NFKB2: variants seen among roughly 807,000 people sequenced by gnomAD.
NFKB2 encodes the protein nuclear factor NF-kappa-B p100 subunit.
A neutral mutation model predicts 109.3 loss-of-function variants in NFKB2; 21 were observed. That is an observed-to-expected ratio of 0.19 (90% CI 0.14 to 0.28). The LOEUF (loss-of-function observed/expected upper bound fraction) is 0.28, where lower values mean the gene tolerates loss of function less well. NFKB2 is among the 10% of genes least tolerant of loss of function. The probability of loss-of-function intolerance (pLI) is 1.00; values close to 1 mark genes in which losing one functional copy is unlikely to be tolerated. For missense variants in NFKB2, 806 were observed against 1,185.3 expected, an observed-to-expected ratio of 0.68 and a Z score of 4.70; for synonymous variants, 478 against 489.9, an observed-to-expected ratio of 0.98 and a Z score of 0.32.
Position 102,402,072 on chromosome 10 carries a change from C to A in NFKB2, c.2491C>A (p.Leu831Ile). Residue 831 changes from leucine to isoleucine, a missense_variant, in exon 22 of 23, where the codon CTA becomes ATA. Transcript: ENST00000661543. ...GCTGGCTGGCGGGGACCTGGCAGGTCTACTGGAGGCCCTGTCTGACATGGG... is the reference window on the plus strand; with the variant it reads ...GCTGGCTGGCGGGGACCTGGCAGGTATACTGGAGGCCCTGTCTGACATGGG... ...YELAGGDLAG[L>I]LEALSDMGLE... The A allele has an allele frequency of 6.4e-7, 1 of 1,571,814 alleles. No homozygotes were observed. Among genetic ancestry groups the A allele is most frequent in the Non-Finnish European group, 8.6e-7 (1 of 1,158,092 alleles).
In NFKB2 at chr10:102,398,198, C is replaced by G. The variant is rs757060747; in HGVS notation, c.767-14C>G. Reference sequence around the variant, plus strand: ...CCACCGGGAGCTGTGGCCAAGCTTCCGTTTTCCTTGTAGATGACATTGAGG... The same window carrying G: ...CCACCGGGAGCTGTGGCCAAGCTTCGGTTTTCCTTGTAGATGACATTGAGG... On this transcript the variant is annotated splice_polypyrimidine_tract_variant and intron_variant, in intron 9 of 22. Transcript: ENST00000661543. This position sits in a 1 kb window ranked among gnomAD's most constrained non-coding sequence, Gnocchi z 6.6. 6.2e-7 allele frequency: 1 copy of G among 1,613,966 alleles called. No individual in the cohort carries two copies. The highest frequency in any genetic ancestry group is 1.3e-5 in the African/African-American group (1 of 74,884).
chr10:102,396,828 GC>G lies in NFKB2; in HGVS notation c.243+7del. On this transcript the variant is annotated splice_donor_region_variant and intron_variant, in intron 5 of 22. Coordinates refer to ENST00000661543, the MANE Select transcript of NFKB2 (RefSeq NM_001322934.2). This position sits in a 1 kb window ranked among gnomAD's most constrained non-coding sequence, Gnocchi z 5.9. Reference sequence around the variant, plus strand: ...AAGACCTATCCCACTGTCAAGGTGAGCCAGGATGGTGCTGGAGGGTGGGCTA... The same window carrying G: ...AAGACCTATCCCACTGTCAAGGTGAGCAGGATGGTGCTGGAGGGTGGGCTA... 6.2e-7 allele frequency: 1 copy of G among 1,610,548 alleles called. No individual in the cohort carries two copies. Among genetic ancestry groups the G allele is most frequent in the Non-Finnish European group, 8.5e-7 (1 of 1,176,944 alleles).
Position 102,397,969 on chromosome 10 carries a change from C to CT in NFKB2, c.662-12_662-11insT, listed in dbSNP as rs766222108. The CT allele has an allele frequency of 5.6e-6, 9 of 1,613,398 alleles. No individual in the cohort carries two copies. The highest frequency in any genetic ancestry group is 7.6e-6 in the Non-Finnish European group (9 of 1,179,458). On this transcript the variant is annotated splice_polypyrimidine_tract_variant and intron_variant, in intron 8 of 22. Transcript: ENST00000661543. The surrounding 1 kb of genome is among the most constrained non-coding windows in gnomAD (Gnocchi z 4.7). ...TTGCATCATCTCAACTAATCCATATCCCACTCCATAGAATCTCCGGGGGCA... is the reference window on the plus strand; with the variant it reads ...TTGCATCATCTCAACTAATCCATATCTCCACTCCATAGAATCTCCGGGGGCA...
upstream of NFKB2, chr10:102,394,328 T>C (rs1194280747): frequency 2.0e-5 from 3 of 152,174 alleles, no homozygotes; most frequent in Non-Finnish European, 4.4e-5. Context: ...GCGCCTGGTG[T>C]CCTGTCACCC....
At position 102,401,340 on chromosome 10, in the gene NFKB2, A is replaced by G; in HGVS notation, c.2223+9A>G. ...TCACTTGCAGCACCAAGGTGAGGCCAGCCCGGGACTAGAAGTGCTCTGAGT... is the reference window on the plus strand; with the variant it reads ...TCACTTGCAGCACCAAGGTGAGGCCGGCCCGGGACTAGAAGTGCTCTGAGT... On this transcript the variant is annotated intron_variant, in intron 19 of 22. Coordinates refer to ENST00000661543, the MANE Select transcript of NFKB2 (RefSeq NM_001322934.2). The surrounding 1 kb of genome is among the most constrained non-coding windows in gnomAD (Gnocchi z 4.2). 6.2e-7 allele frequency: 1 copy of G among 1,606,290 alleles called. No individual in the cohort carries two copies. The highest frequency in any genetic ancestry group is 1.1e-5 in the South Asian group (1 of 90,418).
rs1194171202 is a variant in NFKB2 at position 102,400,523 on chromosome 10, C to T, written c.1798+32C>T. 3 of 1,587,568 alleles carry T rather than the reference C, an allele frequency of 1.9e-6. No individual in the cohort carries two copies. Among genetic ancestry groups the T allele is most frequent in the African/African-American group, 2.7e-5 (2 of 74,302 alleles). On this transcript the variant is annotated intron_variant, in intron 16 of 22. Transcript: ENST00000661543. This position sits in a 1 kb window ranked among gnomAD's most constrained non-coding sequence, Gnocchi z 6.3. ...TCCCCATCTCACCTGACTAAGGGGG[C>T]AGGCGGGGACCAGGGAGGGTATCTG...
Position 102,396,585 on chromosome 10 carries a change from G to A in NFKB2, c.144+96G>A. Reference sequence around the variant, plus strand: ...GGCCATGGAGGAGCCATTGCCGAAGGAGGCCACAGGGGATTGGATGGTCAC... The same window carrying A: ...GGCCATGGAGGAGCCATTGCCGAAGAAGGCCACAGGGGATTGGATGGTCAC... On this transcript the variant is annotated intron_variant, in intron 4 of 22. Transcript: ENST00000661543. This position sits in a 1 kb window ranked among gnomAD's most constrained non-coding sequence, Gnocchi z 5.9. 1 of 1,592,762 alleles carries A rather than the reference G, an allele frequency of 6.3e-7. No homozygotes were observed.
Position 102,401,882 on chromosome 10 carries a change from A to T in NFKB2, c.2431A>T (p.Thr811Ser). The T allele has an allele frequency of 6.2e-7, 1 of 1,613,558 alleles. No homozygotes were observed. Among genetic ancestry groups the T allele is most frequent in the Non-Finnish European group, 8.5e-7 (1 of 1,179,802 alleles). ...RSLVDTYRQT[T>S]SPSGSLLRSY... is the part of the protein sequence containing the mutation. ...CCTGGTAGACACGTACCGACAGACAACCTCACCCAGTGGCAGCCTCCTGCG... is the reference window on the plus strand; with the variant it reads ...CCTGGTAGACACGTACCGACAGACATCCTCACCCAGTGGCAGCCTCCTGCG... Residue 811 changes from threonine (T) to serine (S), a missense_variant, in exon 21 of 23, where the codon ACC (threonine) becomes TCC (serine). By Grantham distance (58) the Thr-to-Ser change is moderately conservative (BLOSUM62 1). This residue lies in a region of NFKB2 where 211 missense variants were observed against 268.7 expected (regional missense o/e 0.79). Coordinates refer to ENST00000661543, the MANE Select transcript of NFKB2 (RefSeq NM_001322934.2). This position sits in a 1 kb window ranked among gnomAD's most constrained non-coding sequence, Gnocchi z 4.2.
In NFKB2 at chr10:102,401,232, C is replaced by G. The variant is rs1461595391; in HGVS notation, c.2124C>G (p.Pro708=). 2.5e-6 allele frequency: 4 copies of G among 1,611,086 alleles called. No individual in the cohort carries two copies. Among genetic ancestry groups the G allele is most frequent in the South Asian group, 1.1e-5 (1 of 90,706 alleles). ...AGCCCCTGTGCCCACTGCCTTCACCCCCTACCTCTGATAGCGACTCGGACT... is the reference window on the plus strand; with the variant it reads ...AGCCCCTGTGCCCACTGCCTTCACCGCCTACCTCTGATAGCGACTCGGACT... ...NEEPLCPLPS[P]PTSDSDSDSE... The change falls in exon 19 of 23, where the codon CCC becomes CCG. Residue 708 remains proline, a synonymous_variant. Transcript: ENST00000661543. This position sits in a 1 kb window ranked among gnomAD's most constrained non-coding sequence, Gnocchi z 4.2.
intron 13 of NFKB2, 34 bp downstream of exon 13, chr10:102,399,531 C>T: frequency 6.6e-7 from 1 of 1,509,328 alleles, no homozygotes; most frequent in Non-Finnish European, 8.9e-7. Flanking sequence ...GTCGGGGCGC[C>T]GGGGCTGAGG....
Position 102,396,350 on chromosome 10 carries a change from A to G in NFKB2, c.103+16A>G. ...CCAGAAACAGGTCAGCAAGTTCACT[A>G]ACCTCCCCTAGTCCTAAAGCGGGGG... On this transcript the variant is annotated intron_variant, in intron 3 of 22. Coordinates refer to ENST00000661543, the MANE Select transcript of NFKB2 (RefSeq NM_001322934.2). The surrounding 1 kb of genome is among the most constrained non-coding windows in gnomAD (Gnocchi z 5.9). The G allele has an allele frequency of 6.2e-7, 1 of 1,613,520 alleles. No individual in the cohort carries two copies. Among genetic ancestry groups the G allele is most frequent in the Non-Finnish European group, 8.5e-7 (1 of 1,179,480 alleles).
Position 102,397,573 on chromosome 10 carries a change from G to C in NFKB2, c.549G>C (p.Lys183Asn). Residue 183 changes from lysine to asparagine, a missense_variant, in exon 8 of 23, where the codon AAG becomes AAC. This residue lies in a region of NFKB2 where 62 missense variants were observed against 102.2 expected (regional missense o/e 0.61). Transcript: ENST00000661543. This position sits in a 1 kb window ranked among gnomAD's most constrained non-coding sequence, Gnocchi z 4.7. ...ELEQEAKELK[K>N]VMDLSIVRLR... ...AGCAAGAGGCCAAAGAACTGAAGAA[G>C]GTGATGGATCTGAGTATAGTGCGGC... The C allele has an allele frequency of 6.2e-7, 1 of 1,614,038 alleles. No individual in the cohort carries two copies.
rs1321875454 is a variant in NFKB2 at position 102,398,850 on chromosome 10, G to A, written c.1103G>A (p.Gly368Glu). 2.3e-5 allele frequency: 37 copies of A among 1,595,288 alleles called. No individual in the cohort carries two copies. Among genetic ancestry groups the A allele is most frequent in the Non-Finnish European group, 3.2e-5 (37 of 1,171,488 alleles). ...GGSGGAAGGY[G>E]GAGGGGSLGF... is the part of the protein sequence containing the mutation. ...TCTGGGGGTGCAGCCGGGGGCTACGGAGGAGCTGGAGGAGGTGAGGGGGTA... is the reference window on the plus strand; with the variant it reads ...TCTGGGGGTGCAGCCGGGGGCTACGAAGGAGCTGGAGGAGGTGAGGGGGTA... Residue 368 changes from glycine to glutamate, a missense_variant, in exon 12 of 23, where the codon GGA becomes GAA. Gly to Glu is a moderately conservative substitution (Grantham distance 98). Around this residue, in one of 10 missense-constraint regions of NFKB2, gnomAD observed 209 missense variants for 211.9 expected, o/e 0.99. Coordinates refer to ENST00000661543, the MANE Select transcript of NFKB2 (RefSeq NM_001322934.2). The surrounding 1 kb of genome is among the most constrained non-coding windows in gnomAD (Gnocchi z 6.6).
chr10:102,399,865 C>T (rs2061196787), intron 14 of NFKB2, 147 bp downstream of exon 14: 2 of 1,294,094 alleles, frequency 1.5e-6, no homozygotes, highest in Admixed American at 5.6e-5. Context: ...CTTGGTCTCT[C>T]CAAACTTCAG....
intron 14 of NFKB2, 105 bp downstream of exon 14, chr10:102,399,823 G>C: frequency 7.1e-7 from 1 of 1,410,138 alleles, no homozygotes; most frequent in South Asian, 1.5e-5. Context: ...CTTCAAGTCC[G>C]GCCTCGGTGT....
Position 102,402,038 on chromosome 10 carries a change from G to C in NFKB2, c.2467-10G>C. On this transcript the variant is annotated splice_polypyrimidine_tract_variant and intron_variant, in intron 21 of 22. Coordinates refer to ENST00000661543, the MANE Select transcript of NFKB2 (RefSeq NM_001322934.2). Reference sequence around the variant, plus strand: ...ACCATGACTCAGACCTCATTCCTCTGTCTTCTCAGCTGGCTGGCGGGGACC... The same window carrying C: ...ACCATGACTCAGACCTCATTCCTCTCTCTTCTCAGCTGGCTGGCGGGGACC... The C allele has an allele frequency of 6.4e-7, 1 of 1,570,294 alleles. No homozygotes were observed. The highest frequency in any genetic ancestry group is 8.6e-7 in the Non-Finnish European group (1 of 1,156,942).
rs1227380764 is a variant in NFKB2 at position 102,395,785 on chromosome 10, C to T, written c.-84C>T. On this transcript the variant is annotated 5_prime_UTR_variant, in exon 1 of 23. Transcript: ENST00000661543. ...ATCTCACCCGCCACACCCGGACAGG[C>T]GGCTGGAGGAGGTCGGACCCTCCCC... 3.0e-6 allele frequency: 2 copies of T among 657,454 alleles called. No individual in the cohort carries two copies. Among genetic ancestry groups the T allele is most frequent in the Non-Finnish European group, 5.3e-6 (2 of 379,790 alleles). The allele number at this position is 657,454 out of a possible 1,614,324, so 40.7% of individuals were successfully genotyped here.
rs141857360 is a variant in NFKB2, at chr10:102,398,752, G to T, written c.1005G>T (p.Val335=). The part of the protein sequence containing the change: ...YYPLVEDKEE[V]QRKRRKALPT... ...CTCTGCCCCCAGACAAGGAAGAGGTGCAGCGGAAGCGGAGGAAGGCCTTGC... is the reference window on the plus strand; with the variant it reads ...CTCTGCCCCCAGACAAGGAAGAGGTTCAGCGGAAGCGGAGGAAGGCCTTGC... The change falls in exon 12 of 23, where the codon GTG becomes GTT. Residue 335 remains valine (V), a synonymous_variant. Coordinates refer to ENST00000661543, the MANE Select transcript of NFKB2 (RefSeq NM_001322934.2). The surrounding 1 kb of genome is among the most constrained non-coding windows in gnomAD (Gnocchi z 6.6). 1 of 1,612,458 alleles carries T rather than the reference G, an allele frequency of 6.2e-7. No individual in the cohort carries two copies. The highest frequency in any genetic ancestry group is 1.3e-5 in the African/African-American group (1 of 75,018).
rs1199544226 is a variant in NFKB2 at position 102,397,028 on chromosome 10, C to T, written c.368C>T (p.Ser123Phe). The T allele has an allele frequency of 6.2e-7, 1 of 1,613,296 alleles. No individual in the cohort carries two copies. Among genetic ancestry groups the T allele is most frequent in the Admixed American group, 1.7e-5 (1 of 60,014 alleles). ...TCGGAGCTGGGGATCTGCGCCGTTT[C>T]TGTGGGGCCCAAGGACATGACTGCC... The part of the protein sequence containing the change: ...QCSELGICAV[S>F]VGPKDMTAQF... The change falls in exon 6 of 23, where the codon TCT becomes TTT. Residue 123 changes from serine to phenylalanine, a missense_variant. By Grantham distance (155) the Ser-to-Phe change is radical. Transcript: ENST00000661543. This position sits in a 1 kb window ranked among gnomAD's most constrained non-coding sequence, Gnocchi z 4.7.
Sources: gnomAD v4.1 joint callset for allele counts on GRCh38, gnomAD v4.1.1 for gene constraint, gnomAD v4.1.1 regional missense constraint, Gnocchi (gnomAD v3.1) non-coding constraint, MANE v1.5 for transcripts, NCBI Gene and HGNC (gene_info 2026-07-23, HGNC 2026-07-21) for gene names.